Variants in NF2 observed in about 807,000 individuals in gnomAD.
NF2 encodes the protein NF2, moesin-ezrin-radixin like (MERLIN) tumor suppressor.
In NF2, 8 loss-of-function variants were observed where a neutral mutation model predicts 83.7. The observed-to-expected ratio is 0.10, with a 90% CI of 0.06 to 0.17. NF2 has a LOEUF of 0.17. NF2 is among the 10% of genes least tolerant of loss of function. The pLI, the probability that NF2 is intolerant of heterozygous loss-of-function variation, is 1.00. For missense variants in NF2, 533 were observed against 744.4 expected, an observed-to-expected ratio of 0.72 and a Z score of 3.31; for synonymous variants, 266 against 269.6, an observed-to-expected ratio of 0.99 and a Z score of 0.13.
chr22:29,606,337 T>C (rs1264833861), intron 1 of NF2, among the ~76,000 whole-genome samples: 1 of 152,220 alleles, frequency 6.6e-6, no homozygotes, highest in Non-Finnish European at 1.5e-5. Context: ...AAATTACTGG[T>C]GCCCCAATTG....
intron 13 of NF2, among the ~76,000 whole-genome samples, chr22:29,675,534 T>C (rs1485603301): frequency 6.6e-6 from 1 of 151,896 alleles, no homozygotes; most frequent in African/African-American, 2.4e-5. Flanking sequence ...GTTGGAAGTC[T>C]CTATCCTGAC....
intron 4 of NF2, among the ~76,000 whole-genome samples, chr22:29,643,753 T>G (rs1339283365): frequency 1.3e-5 from 2 of 152,228 alleles, no homozygotes; most frequent in African/African-American, 4.8e-5. Flanking sequence ...CCCCCCTTTC[T>G]ATTCCACAAA....
chr22:29,663,002 G>A lies in NF2; in HGVS notation c.810+1663G>A, dbSNP rs1465310106. ...TGGCAACTCAAGGAAGGGAACACCA[G>A]GCCCCTGGTTTCCAGTATATGGTTG... On this transcript the variant is annotated intron_variant, in intron 8 of 15. Transcript: ENST00000338641. 2.0e-5 allele frequency among the ~76,000 whole-genome samples: 3 copies of A among 152,210 alleles called. No individual in the cohort carries two copies. In the East Asian group the frequency reaches 5.8e-4, roughly 29 times the overall value.
intron 1 of NF2, among the ~76,000 whole-genome samples, chr22:29,625,947 G>C (rs1023760233): frequency 2.0e-5 from 3 of 152,050 alleles, no homozygotes; most frequent in African/African-American, 7.2e-5. Flanking sequence ...TAGTCTTCTT[G>C]TTTCAATAGT....
At chr22:29,622,250 C>T (rs1380605217) in intron 1 of NF2, among the ~76,000 whole-genome samples, 4 of 152,084 alleles carry the variant, frequency 2.6e-5, no homozygotes, top group South Asian at 2.1e-4. Flanking sequence ...ACATTTTTGC[C>T]GGATGAATGA....
intron 14 of NF2, 83 bp downstream of exon 14, chr22:29,678,406 A>G: frequency 2.6e-6 from 4 of 1,541,530 alleles, no homozygotes; most frequent in Non-Finnish European, 2.7e-6. Context: ...GGCAGAGGTG[A>G]GAGGTCGCTG....
chr22:29,669,344 A>G (rs1001267918), intron 10 of NF2, among the ~76,000 whole-genome samples: 1 of 152,154 alleles, frequency 6.6e-6, no homozygotes, highest in Non-Finnish European at 1.5e-5. Context: ...ATGGGGTCAT[A>G]GTGGCAGTTT....
At chr22:29,675,021 C>T (rs1035265874) in intron 13 of NF2, 80 bp downstream of exon 13, 14 of 1,261,454 alleles carry the variant, frequency 1.1e-5, no homozygotes, top group African/African-American at 4.5e-5. Context: ...GTTCATCTGG[C>T]GGTGCCTTCA....
At chr22:29,624,216 T>C (rs1052385799) in intron 1 of NF2, among the ~76,000 whole-genome samples, 2 of 152,120 alleles carry the variant, frequency 1.3e-5, no homozygotes, top group Admixed American at 6.5e-5. Flanking sequence ...TTGTTTTGTT[T>C]GTTTGTTTTT....
At position 29,696,160 on chromosome 22, in the gene NF2, ACCT is replaced by A; in HGVS notation, c.*1362_*1364del. ...ACAATCTCGGCTCACTGCAACCTCC[ACCT>A]CCTGAGTTCAAGCAATTCTCCTGCC... On this transcript the variant is annotated 3_prime_UTR_variant, in exon 16 of 16. Transcript: ENST00000338641. The A allele has an allele frequency of 5.1e-6, 1 of 194,904 alleles. No individual in the cohort carries two copies. Among genetic ancestry groups the A allele is most frequent in the Non-Finnish European group, 9.5e-6 (1 of 105,058 alleles). The allele number at this position is 194,904 out of a possible 1,614,324, so 12.1% of individuals were successfully genotyped here.
At chr22:29,680,155 A>G (rs1472022240) in intron 14 of NF2, among the ~76,000 whole-genome samples, 1 of 149,844 alleles carries the variant, frequency 6.7e-6, no homozygotes, top group East Asian at 2.0e-4. Flanking sequence ...TCCATCGCCC[A>G]GGCTGGAGTG....
Position 29,661,243 on chromosome 22 carries a change from C to T in NF2, c.714C>T (p.Ala238=), listed in dbSNP as rs2147008639. 6.2e-7 allele frequency: 1 copy of T among 1,614,232 alleles called. No homozygotes were observed. Among genetic ancestry groups the T allele is most frequent in the South Asian group, 1.1e-5 (1 of 91,080 alleles). The change falls in exon 8 of 16, where the codon GCC becomes GCT. Residue 238 remains alanine, a synonymous_variant. Transcript: ENST00000338641. ...CAGAGCTGCTGCTTGGAGTGGATGC[C>T]CTGGGGCTTCACATTTATGACCCTG... is the stretch of plus-strand genomic sequence containing the variant. ...KGTELLLGVD[A]LGLHIYDPEN... is the part of the protein sequence containing the mutation.
chr22:29,647,642 T>C lies in NF2; in HGVS notation c.447+5357T>C, dbSNP rs201391018. Among the ~76,000 whole-genome samples, 49 of 152,340 alleles carry C rather than the reference T, an allele frequency of 3.2e-4. No homozygotes were observed. In the East Asian group the frequency reaches 8.1e-3, roughly 25 times the overall value. ...TCCAGGAGATAAAAAGTTGATTAGA[T>C]GGTGCTATACTCTGCATATCCCTTT... On this transcript the variant is annotated intron_variant, in intron 4 of 15. Transcript: ENST00000338641.
At chr22:29,626,217 C>T (rs1377529343) in intron 1 of NF2, among the ~76,000 whole-genome samples, 1 of 150,510 alleles carries the variant, frequency 6.6e-6, no homozygotes, top group Non-Finnish European at 1.5e-5. Context: ...ACAGTGGCGC[C>T]ATCTCAGCTC....
Position 29,671,959 on chromosome 22 carries a change from A to G in NF2, c.1122+11A>G. 6.2e-7 allele frequency: 1 copy of G among 1,614,116 alleles called. No individual in the cohort carries two copies. Among genetic ancestry groups the G allele is most frequent in the Non-Finnish European group, 8.5e-7 (1 of 1,179,998 alleles). On this transcript the variant is annotated intron_variant, in intron 11 of 15. Transcript: ENST00000338641. The stretch of plus-strand genomic sequence containing the variant: ...GCCAACGAAGCACTGGTGATTTCTG[A>G]GGGGCTGGGGTTCCAGGAGGCTACT...
rs531193507 is a variant in NF2 at position 29,621,760 on chromosome 22, C to T, written c.115-14991C>T. Among the ~76,000 whole-genome samples the T allele has an allele frequency of 1.9e-4, 29 of 152,304 alleles. No homozygotes were observed. The South Asian group carries it at 5.2e-3, about 27-fold the overall frequency. On this transcript the variant is annotated intron_variant, in intron 1 of 15. Transcript: ENST00000338641. The stretch of plus-strand genomic sequence containing the variant: ...TTGCTCCCTTTCTCAGCCTCTCCTC[C>T]ACTTCCTCACGCACCCTCTTGCTCT...
intron 10 of NF2, among the ~76,000 whole-genome samples, chr22:29,670,503 T>TTTTGTGTGTGTGTGTG (rs370999091): frequency 6.8e-6 from 1 of 146,342 alleles, no homozygotes; most frequent in African/African-American, 2.6e-5. Flanking sequence ...CTTTTTGAGC[T>TTTTGTGTGTGTGTGTG]TGTGTGTGTG....
intron 1 of NF2, among the ~76,000 whole-genome samples, chr22:29,632,798 G>A (rs913623729): frequency 6.6e-6 from 1 of 152,166 alleles, no homozygotes; most frequent in Non-Finnish European, 1.5e-5. Flanking sequence ...AGCAGAAAGA[G>A]GACTAATACT....
chr22:29,621,770 C>T (rs1171512699), intron 1 of NF2, among the ~76,000 whole-genome samples: 3 of 152,190 alleles, frequency 2.0e-5, no homozygotes, highest in South Asian at 2.1e-4. Context: ...CACTTCCTCA[C>T]GCACCCTCTT....
Sources: allele counts gnomAD v4.1 joint callset (sites outside exome capture counted in the v4.1 genomes callset), GRCh38; gene constraint gnomAD v4.1.1; transcripts MANE v1.5; gene names NCBI Gene and HGNC (gene_info 2026-07-23, HGNC 2026-07-21).